Variants in BLTP1 observed in about 807,000 individuals in gnomAD.
BLTP1 encodes bridge-like lipid transfer protein family member 1.
chr4:122,328,232 C>T, the BLTP1 span: 2 of 1,611,150 alleles, frequency 1.2e-6, no homozygotes, highest in South Asian at 2.2e-5. Context: ...TTTCACCAGG[C>T]ATTCCTTTCC....
At chr4:122,277,050 A>G in the BLTP1 span, 5 of 985,128 alleles carry the variant, frequency 5.1e-6, no homozygotes, top group Non-Finnish European at 6.0e-6. Context: ...GTGATTGTCA[A>G]GAATCATTTG....
At chr4:122,261,847 C>T in the BLTP1 span, 1 of 985,368 alleles carries the variant, frequency 1.0e-6, no homozygotes, top group African/African-American at 1.7e-5. Flanking sequence ...CCTGTGTCAA[C>T]ACCCTTCCTC....
chr4:122,349,822 A>G, the BLTP1 span: 2 of 1,607,892 alleles, frequency 1.2e-6, no homozygotes, highest in Non-Finnish European at 1.7e-6. The surrounding 1 kb of genome is among the most constrained non-coding windows in gnomAD (Gnocchi z 4.5). Flanking sequence ...TATCTGCTGT[A>G]AGACATCTGA....
At chr4:122,361,412 G>C in the BLTP1 span, among the ~76,000 whole-genome samples, 1 of 152,074 alleles carries the variant, frequency 6.6e-6, no homozygotes, top group African/African-American at 2.4e-5. Flanking sequence ...GAATACTCTG[G>C]GGCTAACCTG....
chr4:122,288,188 C>G, the BLTP1 span, among the ~76,000 whole-genome samples: 1 of 151,954 alleles, frequency 6.6e-6, no homozygotes, highest in Non-Finnish European at 1.5e-5. Context: ...AATTTAATAC[C>G]TTGTACTAAT....
At chr4:122,305,042 T>C in the BLTP1 span, 1 of 1,443,078 alleles carries the variant, frequency 6.9e-7, no homozygotes, top group South Asian at 1.4e-5. Context: ...ACATCAATTT[T>C]AACTACTGTA....
the BLTP1 span, chr4:122,247,637 T>C: frequency 5.8e-6 from 7 of 1,204,572 alleles, no homozygotes; most frequent in Non-Finnish European, 7.3e-6. Context: ...GTTTTTTCCA[T>C]GCTATTTACT....
chr4:122,286,817 G>A, the BLTP1 span: 42 of 1,575,364 alleles, frequency 2.7e-5, no homozygotes, highest in Admixed American at 1.9e-4. Flanking sequence ...CTTACTCTTC[G>A]TAATTTAGGA....
chr4:122,269,350 C>G, the BLTP1 span: 10,218 of 923,208 alleles, frequency 0.011, 153 homozygotes, highest in African/African-American at 0.06. Context: ...CTACAACAGA[C>G]TAGACCTTCA....
the BLTP1 span, chr4:122,347,836 A>G: frequency 7.9e-7 from 1 of 1,273,218 alleles, no homozygotes; most frequent in Non-Finnish European, 1.1e-6. Context: ...ATAAAATCTT[A>G]GTTACTCTCA....
At chr4:122,182,585 C>T in the BLTP1 span, 1 of 926,278 alleles carries the variant, frequency 1.1e-6, no homozygotes, top group African/African-American at 1.8e-5. Flanking sequence ...CATGCATGCT[C>T]CTTGAGGAAT....
At chr4:122,185,303 G>A in the BLTP1 span, 1,134 of 981,820 alleles carry the variant, frequency 1.2e-3, 12 homozygotes, top group African/African-American at 0.018. Context: ...GATAAAAATG[G>A]ATAGAGGTTA....
At chr4:122,224,035 T>C in the BLTP1 span, 1 of 977,294 alleles carries the variant, frequency 1.0e-6, no homozygotes, top group Non-Finnish European at 1.2e-6. Context: ...TGTATTTACA[T>C]AGTCCTCAGA....
At chr4:122,337,033 ATTTC>A in the BLTP1 span, 47 of 1,579,682 alleles carry the variant, frequency 3.0e-5, 1 homozygote, top group South Asian at 3.7e-4. Context: ...GACATACTTC[ATTTC>A]TTTCTTTTTG....
At chr4:122,189,844 A>T in the BLTP1 span, 68 of 941,432 alleles carry the variant, frequency 7.2e-5, no homozygotes, top group Non-Finnish European at 8.5e-5. Flanking sequence ...TGTTCATTGG[A>T]AAGATGTTTT....
the BLTP1 span, chr4:122,336,163 C>A: frequency 1.3e-6 from 2 of 1,534,022 alleles, no homozygotes; most frequent in Non-Finnish European, 1.8e-6. Context: ...TTTATAAAAT[C>A]CATTAAATGG....
At chr4:122,267,533 A>C in the BLTP1 span, 7 of 403,056 alleles carry the variant, frequency 1.7e-5, no homozygotes, top group South Asian at 2.1e-4. Flanking sequence ...TGATATATGC[A>C]CTCACCATTT....
chr4:122,305,787 T>G, the BLTP1 span: 1 of 1,372,536 alleles, frequency 7.3e-7, no homozygotes, highest in African/African-American at 1.5e-5. Context: ...ATTATAGTTT[T>G]TTTGGTGAAC....
the BLTP1 span, chr4:122,167,997 A>G: frequency 1.5e-6 from 1 of 684,060 alleles, no homozygotes; most frequent in Non-Finnish European, 1.8e-6. Flanking sequence ...AGCATACAAC[A>G]TTTTTGTTTG....
Sources: gnomAD v4.1 joint callset for allele counts (sites outside exome capture counted in the v4.1 genomes callset) on GRCh38, gnomAD v4.1.1 for gene constraint, Gnocchi (gnomAD v3.1) non-coding constraint, MANE v1.5 for transcripts, NCBI Gene and HGNC (gene_info 2026-07-23, HGNC 2026-07-21) for gene names.